Variants in MARVELD2 observed in about 807,000 individuals in gnomAD.
The protein encoded by MARVELD2 is MARVEL domain containing 2.
MARVELD2 carries 49 observed loss-of-function variants against 57.6 expected under a neutral mutation model. The observed-to-expected ratio is 0.85, with a 90% CI of 0.68 to 1.08. The LOEUF is 1.08. Among genes scored for constraint, MARVELD2 ranks in the 50% least tolerant of loss-of-function variants. The pLI is 0.00. For missense variants in MARVELD2, 606 were observed against 701.1 expected (o/e 0.86, Z 1.53); for synonymous variants, 238 against 258.8 (o/e 0.92, Z 0.77).
At chr5:69,441,504 CA>C (rs1767323683) in intron 6 of MARVELD2, 27 bp from the exon 7 acceptor site, 1 of 1,604,266 alleles carries the variant, frequency 6.2e-7, no homozygotes, top group Non-Finnish European at 8.5e-7. Flanking sequence ...AGCCAGGAGC[CA>C]AAATAATACT....
chr5:69,428,216 T>C (rs1475369171), intron 3 of MARVELD2, among the ~76,000 whole-genome samples: 1 of 112,068 alleles, frequency 8.9e-6, no homozygotes, highest in Non-Finnish European at 1.9e-5. Context: ...TAAAAAAAAA[T>C]TTAGGCCGGG....
At chr5:69,417,714 C>T (rs753936470) in intron 1 of MARVELD2, among the ~76,000 whole-genome samples, 14 of 151,988 alleles carry the variant, frequency 9.2e-5, no homozygotes, top group Admixed American at 2.0e-4. Flanking sequence ...GAGGCCGAGG[C>T]GGGTGGATTA....
At chr5:69,430,367 A>G (rs1766921671) in intron 3 of MARVELD2, among the ~76,000 whole-genome samples, 1 of 152,026 alleles carries the variant, frequency 6.6e-6, no homozygotes, top group Non-Finnish European at 1.5e-5. Flanking sequence ...ACTCTGTCTC[A>G]AGAAAAAATA....
At chr5:69,416,689 G>A (rs1159141188) in intron 1 of MARVELD2, among the ~76,000 whole-genome samples, 2 of 152,178 alleles carry the variant, frequency 1.3e-5, no homozygotes, top group Non-Finnish European at 2.9e-5. Flanking sequence ...GGGTACACAA[G>A]GGTTCATAAT....
In MARVELD2 at chr5:69,433,028, C is replaced by G. The variant is rs767671073; in HGVS notation, c.1438C>G (p.Leu480Val). ...KELSAEVQAV[L>V]RKFDELDAVM... ...GCTGTCTGCAGAAGTTCAGGCTGTC[C>G]TGAGGAAGTTTGATGAGCTGGATGC... Residue 480 changes from leucine (L) to valine (V), a missense_variant, in exon 5 of 7, where the codon CTG becomes GTG. Coordinates refer to ENST00000325631, the MANE Select transcript of MARVELD2 (RefSeq NM_001038603.3). 262 of 1,614,062 alleles carry G rather than the reference C, an allele frequency of 1.6e-4. No homozygotes were observed. The highest frequency in any genetic ancestry group is 2.1e-4 in the Non-Finnish European group (251 of 1,180,044).
Position 69,420,484 on chromosome 5 carries a change from A to C in MARVELD2, c.1099A>C (p.Arg367=). The stretch of plus-strand genomic sequence containing the variant: ...TGCTTTGGTTTGCCTAAAGTTATGG[A>C]GGCATGAGGCAGCTCGGAGACATAG... ...ISALVCLKLW[R]HEAARRHREY... The change falls in exon 2 of 7, where the codon AGG becomes CGG. Residue 367 remains arginine (R), a synonymous_variant. Transcript: ENST00000325631. 1 of 1,613,310 alleles carries C rather than the reference A, an allele frequency of 6.2e-7. No individual in the cohort carries two copies. The highest frequency in any genetic ancestry group is 8.5e-7 in the Non-Finnish European group (1 of 1,180,022).
At chr5:69,439,796 A>G (rs1269329559) in intron 5 of MARVELD2, among the ~76,000 whole-genome samples, 1 of 151,908 alleles carries the variant, frequency 6.6e-6, no homozygotes, top group Non-Finnish European at 1.5e-5. Flanking sequence ...TTATTTATTT[A>G]TTAGGTTTGC....
chr5:69,438,901 AT>A (rs749119950), intron 5 of MARVELD2, among the ~76,000 whole-genome samples: 14 of 151,520 alleles, frequency 9.2e-5, no homozygotes, highest in African/African-American at 1.5e-4. Flanking sequence ...ATAAAAAAAA[AT>A]AAATATAAAT....
intron 5 of MARVELD2, among the ~76,000 whole-genome samples, chr5:69,437,958 G>A (rs1257175843): frequency 6.6e-6 from 1 of 152,146 alleles, no homozygotes; most frequent in Non-Finnish European, 1.5e-5. Flanking sequence ...ATTATTATCA[G>A]TGTATCCTCC....
chr5:69,420,519 G>T lies in MARVELD2; in HGVS notation c.1134G>T (p.Met378Ile). 1 of 1,610,522 alleles carries T rather than the reference G, an allele frequency of 6.2e-7. No individual in the cohort carries two copies. The highest frequency in any genetic ancestry group is 1.1e-5 in the South Asian group (1 of 91,084). ...CAGCTCGGAGACATAGAGAATATAT[G>T]GAACAACAGGAGGTAAGTGATTTCA... is the stretch of plus-strand genomic sequence containing the variant. ...HEAARRHREY[M>I]EQQEINEPSL... Residue 378 changes from methionine (M) to isoleucine (I), a missense_variant, in exon 2 of 7, where the codon ATG becomes ATT. Physicochemically the swap from Met to Ile is conservative, Grantham distance 10. Transcript: ENST00000325631.
chr5:69,424,459 C>T, intron 2 of MARVELD2, 142 bp from the exon 3 acceptor site: 1 of 705,964 alleles, frequency 1.4e-6, no homozygotes, highest in South Asian at 1.5e-5. Flanking sequence ...AAAACCTAGG[C>T]AAAAAAAGGA....
chr5:69,420,242 C>A lies in MARVELD2; in HGVS notation c.857C>A (p.Ser286Tyr). The change falls in exon 2 of 7, where the codon TCT becomes TAT. Residue 286 changes from serine to tyrosine, a missense_variant. By Grantham distance (144) the Ser-to-Tyr change is moderately radical. Coordinates refer to ENST00000325631, the MANE Select transcript of MARVELD2 (RefSeq NM_001038603.3). ...TATTACCGGACCATTCTTCTGGACT[C>A]TAATTGGTGGCCCCTAACTGAATTT... ...SMYYRTILLD[S>Y]NWWPLTEFGI... 6.2e-7 allele frequency: 1 copy of A among 1,614,156 alleles called. No homozygotes were observed. Among genetic ancestry groups the A allele is most frequent in the Non-Finnish European group, 8.5e-7 (1 of 1,180,034 alleles).
chr5:69,429,702 G>C (rs1766897840), intron 3 of MARVELD2, among the ~76,000 whole-genome samples: 1 of 152,080 alleles, frequency 6.6e-6, no homozygotes, highest in South Asian at 2.1e-4. Context: ...AACCAGGTCA[G>C]GCACCGTGGC....
chr5:69,428,489 A>G lies in MARVELD2; in HGVS notation c.1182+3853A>G, dbSNP rs1282156655. ...GTTACCACTGCACTCCAGCCTGGGCAATAGTGCGAGACTGTCTCAAAAATA... is the reference window on the plus strand; with the variant it reads ...GTTACCACTGCACTCCAGCCTGGGCGATAGTGCGAGACTGTCTCAAAAATA... On this transcript the variant is annotated intron_variant, in intron 3 of 6. Transcript: ENST00000325631. Among the ~76,000 whole-genome samples, 6 of 110,158 alleles carry G rather than the reference A, an allele frequency of 5.4e-5. 3 individuals carry two copies. The highest frequency in any genetic ancestry group is 2.0e-4 in the Admixed American group (2 of 10,092). The allele number at this position is 110,158 out of a possible 152,430, so 72.3% of individuals were successfully genotyped here.
intron 1 of MARVELD2, among the ~76,000 whole-genome samples, chr5:69,417,973 T>A (rs1006027619): frequency 6.1e-5 from 9 of 148,568 alleles, no homozygotes; most frequent in Admixed American, 4.7e-4. Flanking sequence ...CTGGGTATGG[T>A]GGCATGCACC....
At chr5:69,431,451 C>A (rs904325370) in intron 3 of MARVELD2, among the ~76,000 whole-genome samples, 2 of 152,262 alleles carry the variant, frequency 1.3e-5, no homozygotes, top group South Asian at 2.1e-4. Context: ...TGGTTACTTA[C>A]AATTAAATCA....
intron 4 of MARVELD2, 83 bp from the exon 5 acceptor site, chr5:69,432,839 C>G: frequency 6.4e-7 from 1 of 1,560,502 alleles, no homozygotes; most frequent in Non-Finnish European, 8.8e-7. Flanking sequence ...ACAATATGAT[C>G]AGTAAGGAAT....
chr5:69,425,735 C>CTT (rs11396193), intron 3 of MARVELD2, among the ~76,000 whole-genome samples: 2 of 140,930 alleles, frequency 1.4e-5, no homozygotes, highest in African/African-American at 5.2e-5. Flanking sequence ...AATAATAATA[C>CTT]TTTTTTTTTT....
intron 1 of MARVELD2, among the ~76,000 whole-genome samples, chr5:69,416,962 A>C (rs1452739457): frequency 1.3e-5 from 2 of 152,324 alleles, no homozygotes; most frequent in South Asian, 2.1e-4. Flanking sequence ...CTAGCAAAAG[A>C]CAAAGTCCTT....
Sources: gnomAD v4.1 joint callset for allele counts (sites outside exome capture counted in the v4.1 genomes callset) on GRCh38, gnomAD v4.1.1 for gene constraint, MANE v1.5 for transcripts, NCBI Gene and HGNC (gene_info 2026-07-23, HGNC 2026-07-21) for gene names.